The following SPATS1 variants were observed in gnomAD, a reference collection of about 807,000 sequenced individuals.
SPATS1 encodes spermatogenesis associated serine rich 1, also known as spermatogenesis-associated serine-rich protein 1.
A neutral mutation model predicts 33.6 loss-of-function variants in SPATS1; 23 were observed. The ratio of observed to expected loss-of-function variants is 0.68; its 90% CI spans 0.49 to 0.97. The LOEUF (loss-of-function observed/expected upper bound fraction) is 0.97. SPATS1 is among the 50% of genes least tolerant of loss of function. SPATS1 has a pLI of 0.00. For missense variants in SPATS1, 327 were observed against 361.0 expected (o/e 0.91, Z 0.76); for synonymous variants, 131 against 125.6 (o/e 1.04, Z -0.29).
chr6:44,354,748 G>T (rs1027958923), intron 3 of SPATS1, among the ~76,000 whole-genome samples: 1 of 152,072 alleles, frequency 6.6e-6, no homozygotes, highest in African/African-American at 2.4e-5. Context: ...GCTCACTCTT[G>T]GTGTTGCACA....
chr6:44,358,775 T>C (rs1788736968), intron 3 of SPATS1, among the ~76,000 whole-genome samples: 1 of 152,170 alleles, frequency 6.6e-6, no homozygotes, highest in Non-Finnish European at 1.5e-5. Context: ...TCTGTATAGA[T>C]TTGCCTATTT....
At chr6:44,358,489 T>G (rs751201249) in intron 3 of SPATS1, among the ~76,000 whole-genome samples, 1 of 152,252 alleles carries the variant, frequency 6.6e-6, no homozygotes, top group South Asian at 2.1e-4. Flanking sequence ...ACATACTTAT[T>G]GATTTTTTAT....
intron 3 of SPATS1, among the ~76,000 whole-genome samples, chr6:44,357,904 A>G (rs1788687377): frequency 1.3e-5 from 2 of 152,322 alleles, no homozygotes; most frequent in South Asian, 2.1e-4. Context: ...AGATACGGGT[A>G]AAAATTGGTT....
chr6:44,352,754 T>C lies in SPATS1; in HGVS notation c.168T>C (p.Ser56=). The C allele has an allele frequency of 6.2e-7, 1 of 1,614,220 alleles. No homozygotes were observed. Among genetic ancestry groups the C allele is most frequent in the African/African-American group, 1.3e-5 (1 of 75,070 alleles). ...YSANCSDFLE[S]KGCFANTTPS... ...CTAATTGCAGTGATTTTCTGGAATC[T>C]AAGGGATGTTTTGCCAACACAACAC... Residue 56 remains serine (S), a synonymous_variant, in exon 3 of 9, where the codon TCT becomes TCC. Transcript: ENST00000674044.
In SPATS1 at chr6:44,352,832, C is replaced by T. The variant is rs1788322240; in HGVS notation, c.246C>T (p.Val82=). The change falls in exon 3 of 9, where the codon GTC becomes GTT. Residue 82 remains valine (V), a synonymous_variant. Transcript: ENST00000674044. ...SSSSVETGPS[V]SEPPGLPRVS... Reference sequence around the variant, plus strand: ...CTTCTGTGGAAACAGGCCCAAGTGTCAGTGAGCCTCCTGGCCTCCCCAGAG... The same window carrying T: ...CTTCTGTGGAAACAGGCCCAAGTGTTAGTGAGCCTCCTGGCCTCCCCAGAG... The T allele has an allele frequency of 6.2e-7, 1 of 1,614,004 alleles. No homozygotes were observed. Among genetic ancestry groups the T allele is most frequent in the African/African-American group, 1.3e-5 (1 of 74,910 alleles).
chr6:44,361,317 C>T (rs1788904563), intron 4 of SPATS1: 1 of 985,340 alleles, frequency 1.0e-6, no homozygotes, highest in African/African-American at 1.7e-5. Context: ...GGTCTCACGA[C>T]AGCTTTTCTC....
At chr6:44,351,400 G>A (rs1275712697) in intron 2 of SPATS1, among the ~76,000 whole-genome samples, 1 of 152,112 alleles carries the variant, frequency 6.6e-6, no homozygotes, top group Non-Finnish European at 1.5e-5. Context: ...GATACCAAAA[G>A]ATGACTCTAT....
intron 5 of SPATS1, among the ~76,000 whole-genome samples, chr6:44,365,095 C>T (rs2153368559): frequency 6.6e-6 from 1 of 152,312 alleles, no homozygotes; most frequent in South Asian, 2.1e-4. Flanking sequence ...GGCCCCCACT[C>T]ATTATTTCTT....
At chr6:44,353,006 G>A (rs1408272404) in intron 3 of SPATS1, 133 bp downstream of exon 3, 6 of 918,086 alleles carry the variant, frequency 6.5e-6, no homozygotes, top group Non-Finnish European at 8.2e-6. Flanking sequence ...TTCAAATCCC[G>A]GTTCTGCCAC....
At chr6:44,358,814 A>G (rs1384725078) in intron 3 of SPATS1, among the ~76,000 whole-genome samples, 1 of 152,200 alleles carries the variant, frequency 6.6e-6, no homozygotes, top group Non-Finnish European at 1.5e-5. Flanking sequence ...AGGATTATCA[A>G]TATGTGGTCT....
intron 7 of SPATS1, among the ~76,000 whole-genome samples, chr6:44,370,470 T>C (rs1250495369): frequency 1.3e-5 from 2 of 152,168 alleles, no homozygotes; most frequent in African/African-American, 4.8e-5. Context: ...CTGGCGAGAA[T>C]GGTTAGAGTT....
Position 44,360,511 on chromosome 6 carries a change from T to C in SPATS1, c.353T>C (p.Leu118Ser). 3.1e-6 allele frequency: 5 copies of C among 1,614,216 alleles called. No individual in the cohort carries two copies. The highest frequency in any genetic ancestry group is 4.2e-6 in the Non-Finnish European group (5 of 1,180,044). Reference protein sequence around the residue: ...SHSDHSSEMSLPEVQKDKYPE... With the variant: ...SHSDHSSEMSSPEVQKDKYPE... Reference sequence around the variant, plus strand: ...TCTGATCACTCCTCTGAAATGTCGTTGCCTGAAGTCCAAAAGGATAAATAT... The same window carrying C: ...TCTGATCACTCCTCTGAAATGTCGTCGCCTGAAGTCCAAAAGGATAAATAT... The change falls in exon 4 of 9, where the codon TTG becomes TCG. Residue 118 changes from leucine (L) to serine (S), a missense_variant. Coordinates refer to ENST00000674044, the MANE Select transcript of SPATS1 (RefSeq NM_001372081.1).
At position 44,378,071 on chromosome 6, in the gene SPATS1, A is replaced by G. The variant is rs1790051763; in HGVS notation, c.*1008A>G. On this transcript the variant is annotated 3_prime_UTR_variant, in exon 9 of 9. Transcript: ENST00000674044. ...ATGAAGGCTGGATCTATACCAGGTA[A>G]GTAATACTATTGCCCTGTAGCTGCA... The G allele has an allele frequency of 6.6e-6, 1 of 152,212 alleles. No homozygotes were observed. The highest frequency in any genetic ancestry group is 6.5e-5 in the Admixed American group (1 of 15,276). 9.4% of individuals were successfully genotyped at this position (152,212 alleles called of 1,614,324 possible).
At chr6:44,376,512 G>T (rs1485897258) in intron 8 of SPATS1, 39 bp downstream of exon 8, 2 of 1,453,956 alleles carry the variant, frequency 1.4e-6, no homozygotes, top group Admixed American at 3.9e-5. Flanking sequence ...GTAAAAACTG[G>T]AGGAGTCCGC....
intron 2 of SPATS1, among the ~76,000 whole-genome samples, chr6:44,349,607 T>G (rs1788115353): frequency 6.6e-6 from 1 of 152,240 alleles, no homozygotes; most frequent in South Asian, 2.1e-4. Context: ...ATTGGCAGCC[T>G]TTGTTCTTTG....
intron 4 of SPATS1, 124 bp downstream of exon 4, chr6:44,360,694 ATT>A: frequency 1.6e-6 from 2 of 1,216,752 alleles, no homozygotes; most frequent in African/African-American, 3.0e-5. Flanking sequence ...TTATCTCAAA[ATT>A]CACAAAACCT....
At chr6:44,376,949 C>A in intron 8 of SPATS1, 86 bp from the exon 9 acceptor site, 1 of 1,508,604 alleles carries the variant, frequency 6.6e-7, no homozygotes, top group East Asian at 2.3e-5. Flanking sequence ...GATGTCATAG[C>A]CAAGCATTGG....
chr6:44,353,651 A>C (rs1788377557), intron 3 of SPATS1, among the ~76,000 whole-genome samples: 1 of 152,210 alleles, frequency 6.6e-6, no homozygotes, highest in Admixed American at 6.5e-5. Context: ...TTACAATAAA[A>C]AGTTTTGAAA....
At chr6:44,348,676 A>G (rs1788049222) in intron 2 of SPATS1, among the ~76,000 whole-genome samples, 1 of 152,166 alleles carries the variant, frequency 6.6e-6, no homozygotes, top group African/African-American at 2.4e-5. Context: ...ATAGCTTGGA[A>G]AAAACTCCAG....
Sources: gnomAD v4.1 joint callset for allele counts (sites outside exome capture counted in the v4.1 genomes callset) on GRCh38, gnomAD v4.1.1 for gene constraint, MANE v1.5 for transcripts, NCBI Gene and HGNC (gene_info 2026-07-23, HGNC 2026-07-21) for gene names.